Variants in TMEM132C observed in about 807,000 individuals in gnomAD.
TMEM132C encodes protein phosphatase 1, regulatory subunit 152.
A neutral mutation model predicts 61.4 loss-of-function variants in TMEM132C; 29 were observed. The observed-to-expected ratio is 0.47, with a 90% confidence interval of 0.35 to 0.64. The LOEUF (loss-of-function observed/expected upper bound fraction) is 0.64, where lower values mean the gene tolerates loss of function less well. Among genes scored for constraint, TMEM132C ranks in the 30% least tolerant of loss-of-function variants. The pLI, the probability that TMEM132C is intolerant of heterozygous loss-of-function variation, is 0.00. For missense variants in TMEM132C, 1,408 were observed against 1,476.9 expected (o/e 0.95, Z 0.76); for synonymous variants, 656 against 633.1 (o/e 1.04, Z -0.54).
chr12:128,413,784 A>G (rs1868653301), intron 1 of TMEM132C, among the ~76,000 whole-genome samples: 2 of 152,104 alleles, frequency 1.3e-5, no homozygotes, highest in South Asian at 4.1e-4. Context: ...TGTGTTGCAA[A>G]TATTTACTCC....
chr12:128,394,907 C>CAAAAAA lies in TMEM132C; in HGVS notation c.86-19815_86-19810dup, dbSNP rs59086773. On this transcript the variant is annotated intron_variant, in intron 1 of 8. Transcript: ENST00000435159. The stretch of plus-strand genomic sequence containing the variant: ...TGTGAGTACACTCTCCCTTATTTTC[C>CAAAAAA]AAAAAAAAAAAAAAATCTAGTAAAG... 9.4e-4 allele frequency among the ~76,000 whole-genome samples: 124 copies of CAAAAAA among 132,296 alleles called. 3 individuals are homozygous for CAAAAAA. Among genetic ancestry groups the CAAAAAA allele is most frequent in the African/African-American group, 1.8e-3 (68 of 37,300 alleles). The allele number at this position is 132,296 out of a possible 152,430, so 86.8% of individuals were successfully genotyped here. A position where few individuals can be genotyped will look rare whatever the true frequency, so the allele number is the denominator to read the frequency against.
chr12:128,670,691 T>C (rs1040425855), intron 5 of TMEM132C, among the ~76,000 whole-genome samples: 2 of 152,240 alleles, frequency 1.3e-5, no homozygotes, highest in African/African-American at 4.8e-5. Context: ...AGACCATCAG[T>C]GGTGCTTTGG....
chr12:128,411,929 C>T (rs1518371), intron 1 of TMEM132C, among the ~76,000 whole-genome samples: 71,579 of 151,984 alleles, frequency 0.47, 17,230 homozygotes, highest in South Asian at 0.74. Flanking sequence ...ACCAGGCTCC[C>T]GGGTTCACAA....
intron 4 of TMEM132C, among the ~76,000 whole-genome samples, chr12:128,636,683 C>T (rs1310881611): frequency 6.6e-6 from 1 of 151,774 alleles, no homozygotes; most frequent in Non-Finnish European, 1.5e-5. Context: ...AATACAGACC[C>T]AGGGTTGGAC....
At chr12:128,292,682 G>A (rs1162763450) in intron 1 of TMEM132C, among the ~76,000 whole-genome samples, 2 of 112,560 alleles carry the variant, frequency 1.8e-5, no homozygotes, top group Middle Eastern at 4.6e-3. Flanking sequence ...TCTGTTAAGT[G>A]TACTTAGTAC....
intron 1 of TMEM132C, among the ~76,000 whole-genome samples, chr12:128,356,735 T>C (rs1361117221): frequency 1.3e-5 from 2 of 152,248 alleles, no homozygotes; most frequent in African/African-American, 4.8e-5. Flanking sequence ...TCGGTTGTAA[T>C]GAACCGTGTA....
chr12:128,468,993 C>T (rs1372601331), intron 2 of TMEM132C, among the ~76,000 whole-genome samples: 1 of 152,184 alleles, frequency 6.6e-6, no homozygotes, highest in Non-Finnish European at 1.5e-5. Context: ...TTCTCTAACT[C>T]TCTTGTTTCT....
rs576690460 is a variant in TMEM132C, at chr12:128,583,603, G to A, written c.1122-32549G>A. 2.5e-4 allele frequency among the ~76,000 whole-genome samples: 38 copies of A among 152,304 alleles called. No individual in the cohort carries two copies. The South Asian group carries it at 4.1e-3, about 17-fold the overall frequency. On this transcript the variant is annotated intron_variant, in intron 3 of 8. Transcript: ENST00000435159. Reference sequence around the variant, plus strand: ...CCTGATGCTGGGAACAGGGAAGATTGAGAGAGCTCCGTCAACAGCTGGGAA... The same window carrying A: ...CCTGATGCTGGGAACAGGGAAGATTAAGAGAGCTCCGTCAACAGCTGGGAA...
At position 128,542,859 on chromosome 12, in the gene TMEM132C, CAAAAAAA is replaced by C. The variant is rs59362697; in HGVS notation, c.975-1081_975-1075del. ...CTAGCGACAGAACAATACTTCGATG[CAAAAAAA>C]AAAAAAAAAAAAAAAATGTGCTGGG... is the stretch of plus-strand genomic sequence containing the variant. On this transcript the variant is annotated intron_variant, in intron 2 of 8. Transcript: ENST00000435159. 9.1e-4 allele frequency among the ~76,000 whole-genome samples: 74 copies of C among 81,536 alleles called. 3 individuals carry two copies. Among genetic ancestry groups the C allele is most frequent in the Middle Eastern group, 0.014 (2 of 140 alleles). 53.5% of individuals were successfully genotyped at this position (81,536 alleles called of 152,430 possible). A position where few individuals can be genotyped will look rare whatever the true frequency, so the allele number is the denominator to read the frequency against.
At chr12:128,561,736 T>C (rs1469590681) in intron 3 of TMEM132C, among the ~76,000 whole-genome samples, 1 of 152,230 alleles carries the variant, frequency 6.6e-6, no homozygotes, top group Admixed American at 6.5e-5. Context: ...TATGGGCCAA[T>C]TGCTTGCAAA....
chr12:128,561,785 A>T (rs1552577), intron 3 of TMEM132C, among the ~76,000 whole-genome samples: 1 of 150,482 alleles, frequency 6.6e-6, no homozygotes, highest in South Asian at 2.1e-4. Flanking sequence ...TCAAAAACGT[A>T]ATTTTTTCTG....
intron 1 of TMEM132C, among the ~76,000 whole-genome samples, chr12:128,293,536 C>T (rs1175328288): frequency 6.6e-6 from 1 of 152,130 alleles, no homozygotes; most frequent in African/African-American, 2.4e-5. Context: ...ATCATTTCTT[C>T]TTCAATCAGG....
intron 1 of TMEM132C, among the ~76,000 whole-genome samples, chr12:128,399,283 C>T (rs980460382): frequency 6.6e-6 from 1 of 152,020 alleles, no homozygotes; most frequent in African/African-American, 2.4e-5. Flanking sequence ...AGGAAAAAGG[C>T]CATCATAAAG....
chr12:128,555,178 T>C (rs2136158653), intron 3 of TMEM132C, among the ~76,000 whole-genome samples: 1 of 152,312 alleles, frequency 6.6e-6, no homozygotes, highest in Middle Eastern at 3.4e-3. Context: ...CCCAAAATCG[T>C]TGAAAATGGT....
At chr12:128,604,043 C>G (rs888667172) in intron 3 of TMEM132C, among the ~76,000 whole-genome samples, 1 of 152,148 alleles carries the variant, frequency 6.6e-6, no homozygotes, top group Non-Finnish European at 1.5e-5. Context: ...GTTTTCCCTC[C>G]GTGTCTCTCT....
intron 8 of TMEM132C, among the ~76,000 whole-genome samples, chr12:128,698,155 G>T (rs1954778986): frequency 8.4e-6 from 1 of 118,392 alleles, no homozygotes; most frequent in Non-Finnish European, 2.1e-5. Flanking sequence ...AATAAATGTT[G>T]GTTGAGTGAC....
intron 1 of TMEM132C, among the ~76,000 whole-genome samples, chr12:128,272,870 G>A (rs1490146888): frequency 6.6e-6 from 1 of 152,020 alleles, no homozygotes; most frequent in Non-Finnish European, 1.5e-5. Context: ...TTCCTGTTAC[G>A]ATTTTTGAGA....
intron 1 of TMEM132C, among the ~76,000 whole-genome samples, chr12:128,354,376 CCTTT>C (rs965544445): frequency 4.0e-5 from 6 of 151,896 alleles, no homozygotes; most frequent in Non-Finnish European, 5.9e-5. Context: ...GTTTTTCCTT[CCTTT>C]CTTTCTCTTT....
At chr12:128,438,258 G>A (rs1869666413) in intron 2 of TMEM132C, 2 of 152,064 alleles carry the variant, frequency 1.3e-5, no homozygotes, top group African/African-American at 4.8e-5. Flanking sequence ...TGGGTCATGG[G>A]GGTAGATTCA....
Sources: gnomAD v4.1 joint callset for allele counts (sites outside exome capture counted in the v4.1 genomes callset) on GRCh38, gnomAD v4.1.1 for gene constraint, MANE v1.5 for transcripts, NCBI Gene and HGNC (gene_info 2026-07-23, HGNC 2026-07-21) for gene names.